FILIP1L: variants seen among roughly 807,000 people sequenced by gnomAD.
The protein encoded by FILIP1L is filamin A interacting protein 1 like, also known as filamin A-interacting protein 1-like.
In FILIP1L, 55 loss-of-function variants were observed where a neutral mutation model predicts 96.6. The observed-to-expected ratio is 0.57, with a 90% CI of 0.46 to 0.71. The LOEUF (loss-of-function observed/expected upper bound fraction) is 0.71. Among genes scored for constraint, FILIP1L ranks in the 30% least tolerant of loss-of-function variants. The pLI is 0.00. For synonymous variants in FILIP1L, 467 were observed against 473.9 expected, an observed-to-expected ratio of 0.99 and a Z score of 0.19; for missense variants, 1,304 against 1,321.2, an observed-to-expected ratio of 0.99 and a Z score of 0.20.
chr3:99,864,918 A>C (rs1395442339), intron 4 of FILIP1L, among the ~76,000 whole-genome samples: 1 of 152,194 alleles, frequency 6.6e-6, no homozygotes, highest in Admixed American at 6.5e-5. Context: ...ATGTGCGCAC[A>C]CACGCATCTC....
chr3:100,103,078 C>T (rs946738275), intron 1 of FILIP1L, among the ~76,000 whole-genome samples: 1 of 152,206 alleles, frequency 6.6e-6, no homozygotes, highest in African/African-American at 2.4e-5. Flanking sequence ...ACTGTGGGTA[C>T]ACAGATCTAG....
chr3:99,927,202 C>T (rs1480153982), intron 3 of FILIP1L, among the ~76,000 whole-genome samples: 2 of 152,170 alleles, frequency 1.3e-5, no homozygotes, highest in Admixed American at 1.3e-4. Flanking sequence ...TATACATGAG[C>T]TTTTCAATAC....
At chr3:99,977,319 A>C in intron 1 of FILIP1L, among the ~76,000 whole-genome samples, 1 of 152,116 alleles carries the variant, frequency 6.6e-6, no homozygotes, top group African/African-American at 2.4e-5. Flanking sequence ...ACAGCTTTCC[A>C]TCTTAGAAAG....
intron 4 of FILIP1L, among the ~76,000 whole-genome samples, chr3:99,888,491 CAAACA>C (rs559726137): frequency 2.0e-5 from 3 of 152,116 alleles, no homozygotes; most frequent in Non-Finnish European, 4.4e-5. Context: ...CAGGCTACAA[CAAACA>C]AAACAAAACA....
intron 4 of FILIP1L, among the ~76,000 whole-genome samples, chr3:99,897,382 A>G (rs1706292179): frequency 6.6e-6 from 1 of 152,066 alleles, no homozygotes; most frequent in African/African-American, 2.4e-5. Flanking sequence ...AAAAAAAAAA[A>G]GTTGGCTTAC....
chr3:100,030,377 C>T (rs1287964606), intron 1 of FILIP1L, among the ~76,000 whole-genome samples: 4 of 152,124 alleles, frequency 2.6e-5, no homozygotes, highest in Non-Finnish European at 4.4e-5. Context: ...GAAACTTGGA[C>T]TCATTGTCCT....
At position 100,021,960 on chromosome 3, in the gene FILIP1L, T is replaced by TGTGTGTGA. The variant is rs1321185364; in HGVS notation, c.-10-90931_-10-90930insTCACACAC. Reference sequence around the variant, plus strand: ...GTGTGTGTGTGTGTGTGTGTGTGTGTGAGAGAGAGAGAGAGAGAGAGAGAG... The same window carrying TGTGTGTGA: ...GTGTGTGTGTGTGTGTGTGTGTGTGTGTGTGTGAGAGAGAGAGAGAGAGAGAGAGAGAG... On this transcript the variant is annotated intron_variant, in intron 1 of 5. Transcript: ENST00000477258. Among the ~76,000 whole-genome samples the TGTGTGTGA allele has an allele frequency of 2.3e-3, 212 of 93,302 alleles. 1 individual carries two copies. Among genetic ancestry groups the TGTGTGTGA allele is most frequent in the African/African-American group, 6.8e-3 (168 of 24,852 alleles). The allele number at this position is 93,302 out of a possible 152,430, so 61.2% of individuals were successfully genotyped here. A position where few individuals can be genotyped will look rare whatever the true frequency, so the allele number is the denominator to read the frequency against.
chr3:100,093,412 T>C (rs1349711549), intron 1 of FILIP1L, among the ~76,000 whole-genome samples: 1 of 152,246 alleles, frequency 6.6e-6, no homozygotes, highest in African/African-American at 2.4e-5. Flanking sequence ...AAAAAATATA[T>C]ACTTACATTA....
At chr3:100,094,760 G>A (rs186608560) in intron 1 of FILIP1L, among the ~76,000 whole-genome samples, 23 of 141,984 alleles carry the variant, frequency 1.6e-4, no homozygotes, top group African/African-American at 5.4e-4. Context: ...CTCGGCTCAC[G>A]GCAAGCTCTG....
intron 1 of FILIP1L, among the ~76,000 whole-genome samples, chr3:100,095,281 T>A (rs1227883648): frequency 2.0e-5 from 3 of 152,208 alleles, no homozygotes; most frequent in African/African-American, 7.2e-5. Flanking sequence ...TTGCGGAGAT[T>A]TTAGTTAGAA....
intron 1 of FILIP1L, among the ~76,000 whole-genome samples, chr3:100,108,284 T>A (rs2066427653): frequency 6.6e-6 from 1 of 152,184 alleles, no homozygotes. Flanking sequence ...GATTATTTTT[T>A]ATAGATCCAA....
chr3:100,026,221 T>C (rs1290631219), intron 1 of FILIP1L, among the ~76,000 whole-genome samples: 1 of 152,108 alleles, frequency 6.6e-6, no homozygotes, highest in Non-Finnish European at 1.5e-5. Context: ...TTAAAATACT[T>C]TGTCAAAAAT....
chr3:99,894,836 A>G (rs1576554235), intron 4 of FILIP1L, among the ~76,000 whole-genome samples: 1 of 152,228 alleles, frequency 6.6e-6, no homozygotes, highest in Non-Finnish European at 1.5e-5. Flanking sequence ...TCCTATTATT[A>G]CAGTACGGAG....
chr3:99,873,361 C>T (rs1705336186), intron 4 of FILIP1L, among the ~76,000 whole-genome samples: 1 of 152,190 alleles, frequency 6.6e-6, no homozygotes, highest in African/African-American at 2.4e-5. Flanking sequence ...TCAAAGATGA[C>T]AGGCTCTGTG....
chr3:100,031,095 A>AT (rs1011897273), intron 1 of FILIP1L, among the ~76,000 whole-genome samples: 2 of 151,936 alleles, frequency 1.3e-5, no homozygotes, highest in African/African-American at 4.8e-5. Flanking sequence ...GTCAGATTCT[A>AT]TTTTTTTCTG....
intron 1 of FILIP1L, among the ~76,000 whole-genome samples, chr3:100,060,370 A>G (rs2065541957): frequency 6.6e-6 from 1 of 152,114 alleles, no homozygotes; most frequent in Non-Finnish European, 1.5e-5. Flanking sequence ...TCCAAAAACC[A>G]TCTTCCTGAT....
intron 1 of FILIP1L, among the ~76,000 whole-genome samples, chr3:99,997,542 A>C (rs1351341065): frequency 1.3e-5 from 2 of 152,148 alleles, no homozygotes; most frequent in African/African-American, 4.8e-5. Flanking sequence ...AAGCTTTTTC[A>C]ATTTTGCCAG....
At chr3:100,100,627 G>A (rs1415597933) in intron 1 of FILIP1L, among the ~76,000 whole-genome samples, 1 of 152,196 alleles carries the variant, frequency 6.6e-6, no homozygotes. Flanking sequence ...GGAAGAATCA[G>A]AGGGAAGAAT....
intron 1 of FILIP1L, among the ~76,000 whole-genome samples, chr3:100,014,869 C>CTTT (rs1559725848): frequency 5.4e-5 from 1 of 18,528 alleles, no homozygotes; most frequent in Admixed American, 4.8e-4. Flanking sequence ...TTGTCTTTTT[C>CTTT]TTTTCTTTTT....
Sources: gnomAD v4.1 joint callset for allele counts (sites outside exome capture counted in the v4.1 genomes callset) on GRCh38, gnomAD v4.1.1 for gene constraint, MANE v1.5 for transcripts, NCBI Gene and HGNC (gene_info 2026-07-23, HGNC 2026-07-21) for gene names.